Variants in CWC22 observed in about 807,000 individuals in gnomAD.
The protein encoded by CWC22 is pre-mRNA-splicing factor CWC22 homolog.
In CWC22, 53 loss-of-function variants were observed where a neutral mutation model predicts 117.2. The observed-to-expected ratio is 0.45, with a 90% CI of 0.36 to 0.57. The LOEUF (loss-of-function observed/expected upper bound fraction) is 0.57, where lower values mean the gene tolerates loss of function less well. CWC22 is among the 20% of genes least tolerant of loss of function. The pLI, the probability that CWC22 is intolerant of heterozygous loss-of-function variation, is 0.00. For missense variants in CWC22, 980 were observed against 1,068.8 expected, an observed-to-expected ratio of 0.92 and a Z score of 1.16; for synonymous variants, 360 against 355.6, an observed-to-expected ratio of 1.01 and a Z score of -0.14.
At chr2:179,987,955 G>A (rs1243862396) in intron 3 of CWC22, among the ~76,000 whole-genome samples, 1 of 152,078 alleles carries the variant, frequency 6.6e-6, no homozygotes, top group African/African-American at 2.4e-5. Flanking sequence ...GGGGGTGAGG[G>A]GATGGTTTCA....
At chr2:179,967,282 C>G (rs1012154816) in intron 11 of CWC22, among the ~76,000 whole-genome samples, 2 of 152,128 alleles carry the variant, frequency 1.3e-5, no homozygotes, top group Admixed American at 1.3e-4. Flanking sequence ...AATGAATTGT[C>G]TAATCATTTA....
rs1409685584 is a variant in CWC22, at chr2:179,963,381, C to T, written c.1397+1166G>A. 4.6e-5 allele frequency among the ~76,000 whole-genome samples: 5 copies of T among 107,638 alleles called. No homozygotes were observed. The Admixed American group carries it at 4.7e-4, about 10-fold the overall frequency. The allele number at this position is 107,638 out of a possible 152,430, so 70.6% of individuals were successfully genotyped here. On this transcript the variant is annotated intron_variant, in intron 13 of 19. Coordinates refer to ENST00000410053, the MANE Select transcript of CWC22 (RefSeq NM_020943.3). Reference sequence around the variant, plus strand: ...TTTTTGAGACGGAGTCTCGCTCTGTCGCCCAGGCTGGAGTGCAGTGGCGCC... The same window carrying T: ...TTTTTGAGACGGAGTCTCGCTCTGTTGCCCAGGCTGGAGTGCAGTGGCGCC...
At chr2:179,970,390 G>A (rs1203962721) in intron 11 of CWC22, 111 bp downstream of exon 11, 2 of 1,106,420 alleles carry the variant, frequency 1.8e-6, no homozygotes, top group East Asian at 5.3e-5. Context: ...AACTTTATAA[G>A]AGCAGCGATT....
At position 179,945,484 on chromosome 2, in the gene CWC22, G is replaced by A; in HGVS notation, c.2372C>T (p.Pro791Leu). 3 of 1,612,830 alleles carry A rather than the reference G, an allele frequency of 1.9e-6. No individual in the cohort carries two copies. Among genetic ancestry groups the A allele is most frequent in the Middle Eastern group, 1.7e-4 (1 of 6,058 alleles). ...ITKYTSDKDV[P>L]SERNNYSRVA... ...TCTACTGTAGTTATTTCGTTCAGAA[G>A]GAACATCTTTGTCTGATGTGTACTT... Residue 791 changes from proline to leucine, a missense_variant, in exon 20 of 20, where the codon CCT becomes CTT. Coordinates refer to ENST00000410053, the MANE Select transcript of CWC22 (RefSeq NM_020943.3).
Position 179,954,214 on chromosome 2 carries a change from A to G in CWC22, c.1680T>C (p.Leu560=). The G allele has an allele frequency of 6.2e-7, 1 of 1,609,894 alleles. No homozygotes were observed. The highest frequency in any genetic ancestry group is 2.2e-5 in the East Asian group (1 of 44,754). ...TGACCCATGTACTTACACTCCATGG[A>G]AGTGAATCAGTGTATAAAAGGTGAG... The part of the protein sequence containing the change: ...MFAHLLYTDS[L]PWSVLECIKL... The change falls in exon 16 of 20, where the codon CTT becomes CTC. Residue 560 remains leucine (L), a synonymous_variant. Transcript: ENST00000410053.
chr2:179,975,636 G>T (rs1273261790), intron 6 of CWC22, among the ~76,000 whole-genome samples: 1 of 151,888 alleles, frequency 6.6e-6, no homozygotes, highest in Non-Finnish European at 1.5e-5. Flanking sequence ...TGCTTACAAT[G>T]AACTATCTTT....
Position 179,970,963 on chromosome 2 carries a change from T to C in CWC22, c.918A>G (p.Gln306=), listed in dbSNP as rs748108137. The C allele has an allele frequency of 3.7e-6, 6 of 1,612,634 alleles. No individual in the cohort carries two copies. The highest frequency in any genetic ancestry group is 4.5e-5 in the East Asian group (2 of 44,846). The change falls in exon 9 of 20, where the codon CAA becomes CAG. Residue 306 remains glutamine, a synonymous_variant. Coordinates refer to ENST00000410053, the MANE Select transcript of CWC22 (RefSeq NM_020943.3). ...TACCATTGATTCCTCTTGGTGACAC[T>C]TGTGTTAATTTGAGGCCACATTCCT... ...FLKECGLKLT[Q]VSPRGINAIF... is the part of the protein sequence containing the mutation.
intron 2 of CWC22, among the ~76,000 whole-genome samples, chr2:179,992,280 GC>G (rs1317602431): frequency 6.6e-6 from 1 of 152,162 alleles, no homozygotes; most frequent in Non-Finnish European, 1.5e-5. Context: ...CCACTCACAG[GC>G]AGAACAGTTT....
At chr2:180,005,653 G>A (rs1343558890) in intron 1 of CWC22, among the ~76,000 whole-genome samples, 1 of 152,154 alleles carries the variant, frequency 6.6e-6, no homozygotes, top group Admixed American at 6.5e-5. Flanking sequence ...TTCAGAACCA[G>A]AGAACAAGAA....
intron 1 of CWC22, among the ~76,000 whole-genome samples, chr2:179,998,173 C>T (rs1439757250): frequency 6.6e-6 from 1 of 152,160 alleles, no homozygotes; most frequent in African/African-American, 2.4e-5. Context: ...TCAATTTGTT[C>T]TCAAACCATG....
At chr2:179,969,417 TGG>T (rs1395960238) in intron 11 of CWC22, among the ~76,000 whole-genome samples, 1 of 152,208 alleles carries the variant, frequency 6.6e-6, no homozygotes, top group Non-Finnish European at 1.5e-5. Context: ...TGCAGAGGAA[TGG>T]AAGATTTCTC....
Position 179,950,664 on chromosome 2 carries a change from T to G in CWC22, c.1988A>C (p.Gln663Pro). 11 of 1,613,684 alleles carry G rather than the reference T, an allele frequency of 6.8e-6. No homozygotes were observed. The highest frequency in any genetic ancestry group is 9.3e-6 in the Non-Finnish European group (11 of 1,179,640). ...VIVAQKPDVE[Q>P]NKSSPSSSSS... The stretch of plus-strand genomic sequence containing the variant: ...GGAAGAGGATGGGGAGGATTTATTT[T>G]GCTCAACATCTGGTTTCTGCGCCAC... Residue 663 changes from glutamine (Q) to proline (P), a missense_variant, in exon 19 of 20, where the codon CAA becomes CCA. By Grantham distance (76) the Gln-to-Pro change is moderately conservative. Coordinates refer to ENST00000410053, the MANE Select transcript of CWC22 (RefSeq NM_020943.3).
chr2:179,946,633 T>A (rs1157192683), intron 19 of CWC22, among the ~76,000 whole-genome samples: 1 of 152,158 alleles, frequency 6.6e-6, no homozygotes, highest in Admixed American at 6.5e-5. Context: ...CTTAACAAAT[T>A]GAATCCAAAA....
intron 1 of CWC22, among the ~76,000 whole-genome samples, chr2:179,995,009 T>C (rs988802005): frequency 2.0e-5 from 3 of 152,170 alleles, no homozygotes; most frequent in African/African-American, 7.2e-5. Flanking sequence ...TCCCAGCTAC[T>C]CCGGAGGCTG....
rs927676901 is a variant in CWC22, at chr2:179,973,185, T to C, written c.804+8A>G. On this transcript the variant is annotated splice_region_variant and intron_variant, in intron 8 of 19. Coordinates refer to ENST00000410053, the MANE Select transcript of CWC22 (RefSeq NM_020943.3). ...GAATGGGACCAAGTATTGAAGATAATTACTTACCACATTTTGGTTAATAAG... is the reference window on the plus strand; with the variant it reads ...GAATGGGACCAAGTATTGAAGATAACTACTTACCACATTTTGGTTAATAAG... 6.3e-7 allele frequency: 1 copy of C among 1,586,524 alleles called. No homozygotes were observed. Among genetic ancestry groups the C allele is most frequent in the Non-Finnish European group, 8.6e-7 (1 of 1,162,426 alleles).
At chr2:179,979,924 A>T (rs1687246212) in intron 5 of CWC22, among the ~76,000 whole-genome samples, 1 of 152,224 alleles carries the variant, frequency 6.6e-6, no homozygotes, top group Admixed American at 6.5e-5. Context: ...ATCTACTGAA[A>T]GCAAAGACTA....
intron 19 of CWC22, among the ~76,000 whole-genome samples, chr2:179,948,774 T>C (rs1387382068): frequency 6.6e-6 from 1 of 152,140 alleles, no homozygotes; most frequent in African/African-American, 2.4e-5. Flanking sequence ...CGAGAGGAAC[T>C]ATCATAGAAT....
chr2:179,970,607 T>C (rs763813044), intron 10 of CWC22, 43 bp downstream of exon 10: 1 of 1,583,480 alleles, frequency 6.3e-7, no homozygotes, highest in African/African-American at 1.3e-5. Flanking sequence ...TATATTTACA[T>C]TTGTTGGTAA....
chr2:179,968,262 G>C (rs540576601), intron 11 of CWC22, among the ~76,000 whole-genome samples: 2 of 152,234 alleles, frequency 1.3e-5, no homozygotes, highest in African/African-American at 4.8e-5. Flanking sequence ...CATTGATATT[G>C]TTTCAGAATT....
Sources: gnomAD v4.1 joint callset for allele counts (sites outside exome capture counted in the v4.1 genomes callset) on GRCh38, gnomAD v4.1.1 for gene constraint, MANE v1.5 for transcripts, NCBI Gene and HGNC (gene_info 2026-07-23, HGNC 2026-07-21) for gene names.